The following AXIN1 variants were observed in gnomAD, a reference collection of about 807,000 sequenced individuals.
The protein encoded by AXIN1 is axin 1.
AXIN1 carries 30 observed loss-of-function variants against 76.4 expected under a neutral mutation model. The ratio of observed to expected loss-of-function variants is 0.39; its 90% CI spans 0.29 to 0.53. The LOEUF is 0.53. Ranked by LOEUF, AXIN1 falls within the 20% of genes least tolerant of loss-of-function variation. The pLI is 0.66. For synonymous variants in AXIN1, 545 were observed against 501.4 expected (o/e 1.09, Z -1.16); for missense variants, 1,140 against 1,198.8 (o/e 0.95, Z 0.72).
At chr16:290,987 C>CA (rs148282356) in intron 9 of AXIN1, 13,798 of 633,534 alleles carry the variant, frequency 0.022, 187 homozygotes, top group South Asian at 0.028. Flanking sequence ...TCATGCTGGA[C>CA]AGTCAGCGTC....
chr16:332,434 G>A (rs907980703), intron 2 of AXIN1, among the ~76,000 whole-genome samples: 2 of 151,918 alleles, frequency 1.3e-5, no homozygotes, highest in South Asian at 2.1e-4. Flanking sequence ...AAAATTAGCT[G>A]GGCGTGGTGG....
intron 2 of AXIN1, among the ~76,000 whole-genome samples, chr16:335,563 C>T (rs1196275783): frequency 6.6e-6 from 1 of 151,986 alleles, no homozygotes; most frequent in African/African-American, 2.4e-5. Flanking sequence ...CCACTGCATG[C>T]CAATAACACA....
chr16:329,677 G>A (rs1174305517), intron 2 of AXIN1, among the ~76,000 whole-genome samples: 2 of 152,114 alleles, frequency 1.3e-5, no homozygotes, highest in Non-Finnish European at 2.9e-5. Flanking sequence ...GTGCTGGAGT[G>A]CAGTGGCGCA....
At chr16:295,400 A>G (rs2052684795) in intron 7 of AXIN1, among the ~76,000 whole-genome samples, 1 of 151,654 alleles carries the variant, frequency 6.6e-6, no homozygotes, top group South Asian at 2.1e-4. Flanking sequence ...CTTTTTTTAC[A>G]TTTTATTTTT....
intron 9 of AXIN1, chr16:290,840 G>A: frequency 2.4e-6 from 1 of 408,282 alleles, no homozygotes; most frequent in Non-Finnish European, 4.7e-6. Context: ...GTCAGGCCTG[G>A]CAGGGACCGG....
chr16:324,502 G>A lies in AXIN1; in HGVS notation c.879-9819C>T, dbSNP rs919908634. Among the ~76,000 whole-genome samples the A allele has an allele frequency of 2.6e-5, 4 of 152,192 alleles. No homozygotes were observed. In the South Asian group the frequency reaches 8.3e-4, roughly 31 times the overall value. ...CCATGAGCAGCTTCCCAACCAACCC[G>A]CCCAGTGTCCCGCAGAGTTTGTGGA... On this transcript the variant is annotated intron_variant, in intron 2 of 10. Transcript: ENST00000262320.
chr16:348,214 C>G (rs1019046454), intron 1 of AXIN1, among the ~76,000 whole-genome samples: 4 of 152,210 alleles, frequency 2.6e-5, no homozygotes, highest in Admixed American at 1.3e-4. Context: ...GCCTGTCAAC[C>G]CGGCCATGCA....
chr16:316,488 C>A (rs2053304547), intron 2 of AXIN1, among the ~76,000 whole-genome samples: 1 of 152,238 alleles, frequency 6.6e-6, no homozygotes, highest in Non-Finnish European at 1.5e-5. Flanking sequence ...CCAAGCCCCA[C>A]AGTGTGCCCT....
At chr16:321,650 C>T (rs972602620) in intron 2 of AXIN1, among the ~76,000 whole-genome samples, 2 of 147,962 alleles carry the variant, frequency 1.4e-5, no homozygotes, top group Admixed American at 6.8e-5. Context: ...TAGGTGGATT[C>T]CAACCCACGA....
At chr16:319,524 A>C (rs1454261691) in intron 2 of AXIN1, among the ~76,000 whole-genome samples, 2 of 152,204 alleles carry the variant, frequency 1.3e-5, no homozygotes, top group African/African-American at 2.4e-5. Flanking sequence ...GGCAACAGGA[A>C]ATGAGAAGCC....
Position 289,478 on chromosome 16 carries a change from G to A in AXIN1, c.2424C>T (p.Gly808=), listed in dbSNP as rs2052490104. ...TLVRGRAVTL[G]QFKELLTKKG... The stretch of plus-strand genomic sequence containing the variant: ...TTTTGGTCAGCAGCTCCTTGAACTG[G>A]CCCAGGGTGACAGCGCGGCCCCTCA... Residue 808 remains glycine (G), a synonymous_variant, in exon 10 of 11, where the codon GGC becomes GGT. Coordinates refer to ENST00000262320, the MANE Select transcript of AXIN1 (RefSeq NM_003502.4). 2 of 1,612,852 alleles carry A rather than the reference G, an allele frequency of 1.2e-6. No homozygotes were observed. The highest frequency in any genetic ancestry group is 2.2e-5 in the East Asian group (1 of 44,898).
At position 346,878 on chromosome 16, in the gene AXIN1, C is replaced by T. The variant is rs773929559; in HGVS notation, c.148G>A (p.Val50Ile). 3.1e-6 allele frequency: 5 copies of T among 1,613,790 alleles called. No individual in the cohort carries two copies. In the South Asian group the frequency reaches 4.4e-5, roughly 14 times the overall value. Residue 50 changes from valine to isoleucine, a missense_variant, in exon 2 of 11, where the codon GTT becomes ATT. Val to Ile is a conservative substitution (Grantham distance 29). Transcript: ENST00000262320. ...ASYSFCSGKG[V>I]GIKGETSTAT... Reference sequence around the variant, plus strand: ...GTCGAAGTCTCACCTTTAATGCCAACACCTTTCCCGGAGCAGAAACTGTAG... The same window carrying T: ...GTCGAAGTCTCACCTTTAATGCCAATACCTTTCCCGGAGCAGAAACTGTAG...
chr16:304,588 G>T, intron 4 of AXIN1, 147 bp from the exon 5 acceptor site: 1 of 1,284,008 alleles, frequency 7.8e-7, no homozygotes, highest in Non-Finnish European at 1.1e-6. Flanking sequence ...AGGCTGGAGT[G>T]CAATGGCGTG....
At chr16:299,737 C>G (rs1359346342) in intron 5 of AXIN1, among the ~76,000 whole-genome samples, 2 of 152,066 alleles carry the variant, frequency 1.3e-5, no homozygotes, top group African/African-American at 2.4e-5. Flanking sequence ...CTCACTGCAA[C>G]CTCCGTCTCC....
chr16:330,559 G>C (rs1035289683), intron 2 of AXIN1, among the ~76,000 whole-genome samples: 6 of 152,176 alleles, frequency 3.9e-5, no homozygotes, highest in African/African-American at 1.4e-4. Flanking sequence ...TGAACACCGT[G>C]CATTGAATTC....
intron 2 of AXIN1, among the ~76,000 whole-genome samples, chr16:322,160 G>A (rs1158955793): frequency 2.0e-5 from 3 of 152,338 alleles, no homozygotes; most frequent in Admixed American, 6.5e-5. Flanking sequence ...AGCGCATGCC[G>A]CAGGCGTGAG....
chr16:314,165 C>A lies in AXIN1; in HGVS notation c.1019+378G>T, dbSNP rs141513905. On this transcript the variant is annotated intron_variant, in intron 3 of 10. Coordinates refer to ENST00000262320, the MANE Select transcript of AXIN1 (RefSeq NM_003502.4). ...AGACTGTCTTAGGTTCACCCTCGAT[C>A]CTTCCTCATAGGGAGGTCCCAGCAG... Among the ~76,000 whole-genome samples, 866 of 152,340 alleles carry A rather than the reference C, an allele frequency of 5.7e-3. 6 individuals carry two copies. The highest frequency in any genetic ancestry group is 8.8e-3 in the Non-Finnish European group (602 of 68,030).
intron 10 of AXIN1, 157 bp from the exon 11 acceptor site, chr16:288,405 T>G: frequency 9.1e-7 from 1 of 1,103,866 alleles, no homozygotes; most frequent in South Asian, 1.4e-5. Flanking sequence ...AGGGCAACAG[T>G]GAACAGTGCA....
chr16:323,019 T>C (rs956957342), intron 2 of AXIN1, among the ~76,000 whole-genome samples: 1 of 152,188 alleles, frequency 6.6e-6, no homozygotes, highest in Non-Finnish European at 1.5e-5. Flanking sequence ...GAGCCAAGCG[T>C]GGCTCAGGCC....
Sources: allele counts gnomAD v4.1 joint callset (sites outside exome capture counted in the v4.1 genomes callset), GRCh38; gene constraint gnomAD v4.1.1; transcripts MANE v1.5; gene names NCBI Gene and HGNC (gene_info 2026-07-23, HGNC 2026-07-21).